GORAB: variants seen among roughly 807,000 people sequenced by gnomAD.
The protein encoded by GORAB is golgin, RAB6 interacting.
A neutral mutation model predicts 29.9 loss-of-function variants in GORAB; 17 were observed. The observed-to-expected ratio is 0.57, with a 90% CI of 0.39 to 0.85. GORAB has a LOEUF of 0.85. GORAB is among the 40% of genes least tolerant of loss of function. GORAB has a pLI of 0.00. For missense variants in GORAB, 442 were observed against 437.8 expected (o/e 1.01, Z -0.09); for synonymous variants, 183 against 157.2 (o/e 1.16, Z -1.23).
At chr1:170,545,231 A>T in intron 4 of GORAB, 1 of 997,154 alleles carries the variant, frequency 1.0e-6, no homozygotes. Context: ...TTCCATTAAA[A>T]TTTTTGATAT....
In GORAB at chr1:170,546,980, T is replaced by C. The variant is rs1196319204; in HGVS notation, c.662+2135T>C. 3.9e-5 allele frequency among the ~76,000 whole-genome samples: 6 copies of C among 152,272 alleles called. No individual in the cohort carries two copies. In the East Asian group the frequency reaches 1.2e-3, roughly 29 times the overall value. On this transcript the variant is annotated intron_variant, in intron 4 of 4. Transcript: ENST00000367763. The stretch of plus-strand genomic sequence containing the variant: ...GATTACAGGTGTGAGCCACCACGCC[T>C]GGCCATGTGCTGCTATTTTCAAAAG...
At chr1:170,542,368 C>T in intron 2 of GORAB, 123 bp from the exon 3 acceptor site, 3 of 650,710 alleles carry the variant, frequency 4.6e-6, no homozygotes, top group East Asian at 2.9e-5. Context: ...TTTGAAAGAA[C>T]ATATACATAA....
In GORAB at chr1:170,553,488, A is replaced by C; in HGVS notation, c.*1026A>C. On this transcript the variant is annotated 3_prime_UTR_variant, in exon 5 of 5. Transcript: ENST00000367763. The stretch of plus-strand genomic sequence containing the variant: ...TTATGATTTATTTATCAGAAATTCC[A>C]AAAAGTAAAAATATTACCTTTGAGG... 1 of 428,010 alleles carries C rather than the reference A, an allele frequency of 2.3e-6. No homozygotes were observed. The highest frequency in any genetic ancestry group is 1.7e-5 in the South Asian group (1 of 57,652). 26.5% of individuals were successfully genotyped at this position (428,010 alleles called of 1,614,324 possible). A position where few individuals can be genotyped will look rare whatever the true frequency, so the allele number is the denominator to read the frequency against.
rs182843567 is a variant in GORAB, at chr1:170,538,388, C to T, written c.62-822C>T. Among the ~76,000 whole-genome samples, 5 of 152,288 alleles carry T rather than the reference C, an allele frequency of 3.3e-5. No homozygotes were observed. In the East Asian group the frequency reaches 9.6e-4, roughly 29 times the overall value. On this transcript the variant is annotated intron_variant, in intron 1 of 4. Transcript: ENST00000367763. ...CTTCCCAGGCATTTAAGAGAGAATGCTATTTATAGATCTTATGAAATATAG... is the reference window on the plus strand; with the variant it reads ...CTTCCCAGGCATTTAAGAGAGAATGTTATTTATAGATCTTATGAAATATAG...
intron 4 of GORAB, among the ~76,000 whole-genome samples, chr1:170,546,455 G>T (rs766982674): frequency 5.9e-5 from 9 of 151,962 alleles, no homozygotes; most frequent in Non-Finnish European, 1.0e-4. Context: ...GGAGAAAGAC[G>T]CTTTTTCATA....
At chr1:170,551,660 C>T (rs893967895) in intron 4 of GORAB, among the ~76,000 whole-genome samples, 2 of 152,060 alleles carry the variant, frequency 1.3e-5, no homozygotes, top group Non-Finnish European at 2.9e-5. Flanking sequence ...AGTAATTATC[C>T]CATGGAAATG....
chr1:170,542,944 G>A (rs985380431), intron 3 of GORAB, among the ~76,000 whole-genome samples: 1 of 152,108 alleles, frequency 6.6e-6, no homozygotes. Context: ...TTTATGTGGG[G>A]AGGCCTTAAT....
chr1:170,532,322 C>G, intron 1 of GORAB, 38 bp downstream of exon 1: 1 of 1,606,804 alleles, frequency 6.2e-7, no homozygotes, highest in Non-Finnish European at 8.5e-7. Flanking sequence ...ATTCTTGGGT[C>G]TTAAGGGGAA....
intron 1 of GORAB, 37 bp from the exon 2 acceptor site, chr1:170,539,173 C>T: frequency 6.2e-7 from 1 of 1,611,790 alleles, no homozygotes; most frequent in South Asian, 1.1e-5. Flanking sequence ...ATTTGCTGCC[C>T]ACACAAAGGA....
intron 4 of GORAB, 114 bp downstream of exon 4, chr1:170,544,959 C>G: frequency 6.7e-7 from 1 of 1,496,462 alleles, no homozygotes; most frequent in Non-Finnish European, 8.9e-7. Context: ...CAACCCCATT[C>G]AGTGCTGTAT....
rs1558013702 is a variant in GORAB at position 170,553,139 on chromosome 1, T to C, written c.*677T>C. On this transcript the variant is annotated 3_prime_UTR_variant, in exon 5 of 5. Transcript: ENST00000367763. ...ATAAACACATGTAATTTTACTATTT[T>C]ATTGTCTTTCCTTTAATCGATGAAT... 1 of 438,502 alleles carries C rather than the reference T, an allele frequency of 2.3e-6. No individual in the cohort carries two copies. Among genetic ancestry groups the C allele is most frequent in the Non-Finnish European group, 4.5e-6 (1 of 221,264 alleles). The allele number at this position is 438,502 out of a possible 1,614,324, so 27.2% of individuals were successfully genotyped here. A position where few individuals can be genotyped will look rare whatever the true frequency, so the allele number is the denominator to read the frequency against.
At chr1:170,543,853 T>C (rs539715645) in intron 3 of GORAB, among the ~76,000 whole-genome samples, 1 of 152,292 alleles carries the variant, frequency 6.6e-6, no homozygotes, top group South Asian at 2.1e-4. Flanking sequence ...AATGAAGTAC[T>C]TGACGTAAAA....
rs755794431 is a variant in GORAB at position 170,552,517 on chromosome 1, G to A, written c.*55G>A. On this transcript the variant is annotated 3_prime_UTR_variant, in exon 5 of 5. Transcript: ENST00000367763. ...TATTGAGTAAAGTATACTTTTTGCA[G>A]TAGATCATGCCCTGACCTCCAATAA... 6.5e-6 allele frequency: 9 copies of A among 1,392,528 alleles called. No individual in the cohort carries two copies. The highest frequency in any genetic ancestry group is 1.4e-5 in the African/African-American group (1 of 70,500). The allele number at this position is 1,392,528 out of a possible 1,614,324, so 86.3% of individuals were successfully genotyped here.
chr1:170,543,203 G>T (rs1028025067), intron 3 of GORAB, among the ~76,000 whole-genome samples: 1 of 152,044 alleles, frequency 6.6e-6, no homozygotes, highest in Non-Finnish European at 1.5e-5. Flanking sequence ...TGTACCAGCC[G>T]CACACAACAA....
chr1:170,535,151 T>C (rs1648979064), intron 1 of GORAB, among the ~76,000 whole-genome samples: 2 of 152,198 alleles, frequency 1.3e-5, no homozygotes, highest in South Asian at 2.1e-4. Context: ...GTAAATGACA[T>C]GTGACACTCC....
At chr1:170,545,044 C>T (rs1649671841) in intron 4 of GORAB, 199 bp downstream of exon 4, 1 of 1,295,678 alleles carries the variant, frequency 7.7e-7, no homozygotes. Context: ...ACTAGTTAAC[C>T]TTGTTCGTGT....
rs2101832409 is a variant in GORAB, at chr1:170,549,943, C to T, written c.663-2072C>T. Among the ~76,000 whole-genome samples the T allele has an allele frequency of 2.0e-5, 3 of 152,226 alleles. No individual in the cohort carries two copies. In the South Asian group the frequency reaches 6.2e-4, roughly 32 times the overall value. ...TAAATGAGAAGTTCTGTTTCTTGAGCACCTACCAGGCACAAAACTGGAAGT... is the reference window on the plus strand; with the variant it reads ...TAAATGAGAAGTTCTGTTTCTTGAGTACCTACCAGGCACAAAACTGGAAGT... On this transcript the variant is annotated intron_variant, in intron 4 of 4. Coordinates refer to ENST00000367763, the MANE Select transcript of GORAB (RefSeq NM_152281.3).
chr1:170,548,984 C>T (rs1649924116), intron 4 of GORAB, among the ~76,000 whole-genome samples: 1 of 151,870 alleles, frequency 6.6e-6, no homozygotes, highest in Non-Finnish European at 1.5e-5. Flanking sequence ...CTAATTTATA[C>T]AAATAGTGAG....
chr1:170,545,833 C>T, intron 4 of GORAB: 1 of 693,762 alleles, frequency 1.4e-6, no homozygotes. Context: ...TGTTGTTGGA[C>T]CATATGCTAT....
Sources: gnomAD v4.1 joint callset for allele counts (sites outside exome capture counted in the v4.1 genomes callset) on GRCh38, gnomAD v4.1.1 for gene constraint, MANE v1.5 for transcripts, NCBI Gene and HGNC (gene_info 2026-07-23, HGNC 2026-07-21) for gene names.